SPOCK1: variants seen among roughly 807,000 people sequenced by gnomAD.
SPOCK1 encodes the protein testican-1.
In SPOCK1, 23 loss-of-function variants were observed where a neutral mutation model predicts 55.3. The ratio of observed to expected loss-of-function variants is 0.42; its 90% confidence interval spans 0.30 to 0.59. The LOEUF (loss-of-function observed/expected upper bound fraction) is 0.59, where lower values mean the gene tolerates loss of function less well. SPOCK1 is among the 20% of genes least tolerant of loss of function. SPOCK1 has a pLI of 0.22. For missense variants in SPOCK1, 499 were observed against 552.5 expected (o/e 0.90, Z 0.97); for synonymous variants, 226 against 221.0 (o/e 1.02, Z -0.20).
Position 136,977,629 on chromosome 5 carries a change from T to C in SPOCK1, c.*1025A>G, listed in dbSNP as rs934251545. ...AGGAAGAAACCTATGGCAGACAGGATTGCTGCAGCCAAGGGGCTTCAAGCA... is the reference window on the plus strand; with the variant it reads ...AGGAAGAAACCTATGGCAGACAGGACTGCTGCAGCCAAGGGGCTTCAAGCA... On this transcript the variant is annotated 3_prime_UTR_variant, in exon 11 of 11. Coordinates refer to ENST00000394945, the MANE Select transcript of SPOCK1 (RefSeq NM_004598.4). 5.3e-4 allele frequency: 170 copies of C among 318,996 alleles called. No homozygotes were observed. The highest frequency in any genetic ancestry group is 1.4e-4 in the Non-Finnish European group (25 of 184,772). 19.8% of individuals were successfully genotyped at this position (318,996 alleles called of 1,614,324 possible).
intron 2 of SPOCK1, among the ~76,000 whole-genome samples, chr5:137,485,267 A>G (rs1262362206): frequency 6.6e-6 from 1 of 152,208 alleles, no homozygotes; most frequent in Non-Finnish European, 1.5e-5. Flanking sequence ...CTTAAAACCA[A>G]CCATTGTATC....
At chr5:137,275,292 C>G (rs1433568814) in intron 2 of SPOCK1, among the ~76,000 whole-genome samples, 3 of 152,214 alleles carry the variant, frequency 2.0e-5, no homozygotes, top group Non-Finnish European at 4.4e-5. Flanking sequence ...TGCTCCCTTC[C>G]CCCACCATAG....
At chr5:137,437,184 C>T (rs148002369) in intron 2 of SPOCK1, among the ~76,000 whole-genome samples, 136 of 152,314 alleles carry the variant, frequency 8.9e-4, no homozygotes, top group African/African-American at 3.2e-3. Context: ...ACTCCTCATC[C>T]TCCATCTCAT....
chr5:137,399,532 C>A (rs76538678), intron 2 of SPOCK1, among the ~76,000 whole-genome samples: 1 of 149,834 alleles, frequency 6.7e-6, no homozygotes, highest in African/African-American at 2.5e-5. Context: ...AAAAAAAAAA[C>A]AACCTGTGAC....
chr5:137,481,736 G>A (rs2950954), intron 2 of SPOCK1, among the ~76,000 whole-genome samples: 1 of 151,968 alleles, frequency 6.6e-6, no homozygotes, highest in African/African-American at 2.4e-5. Flanking sequence ...CTGCAGGTCT[G>A]TGTGAGCACC....
At chr5:137,326,387 C>G (rs1305800564) in intron 2 of SPOCK1, among the ~76,000 whole-genome samples, 1 of 152,176 alleles carries the variant, frequency 6.6e-6, no homozygotes, top group East Asian at 1.9e-4. Context: ...CCTTCAGAAC[C>G]TGAGCTCTTT....
chr5:137,131,989 A>AATATATATATATATATATAT (rs869252723), intron 4 of SPOCK1, among the ~76,000 whole-genome samples: 2 of 36,056 alleles, frequency 5.5e-5, no homozygotes, highest in African/African-American at 3.7e-4. Context: ...AAAAAAAAAA[A>AATATATATATATATATATAT]ATATATATAT....
chr5:137,312,772 C>A (rs1298803011), intron 2 of SPOCK1, among the ~76,000 whole-genome samples: 1 of 152,174 alleles, frequency 6.6e-6, no homozygotes, highest in Non-Finnish European at 1.5e-5. Flanking sequence ...AAAAGAGATG[C>A]TCTCTCTGCC....
chr5:137,419,870 G>A (rs1028775809), intron 2 of SPOCK1, among the ~76,000 whole-genome samples: 2 of 152,144 alleles, frequency 1.3e-5, no homozygotes, highest in African/African-American at 4.8e-5. Context: ...GGGCATCCCT[G>A]TCTTGTGCCA....
intron 3 of SPOCK1, among the ~76,000 whole-genome samples, chr5:137,146,576 C>A (rs1217716479): frequency 2.0e-5 from 3 of 152,190 alleles, no homozygotes; most frequent in Admixed American, 6.5e-5. Flanking sequence ...ACTGTGAAAA[C>A]CTCGTCAAGC....
chr5:137,094,288 A>G (rs909070920), intron 5 of SPOCK1, among the ~76,000 whole-genome samples: 1 of 152,170 alleles, frequency 6.6e-6, no homozygotes, highest in African/African-American at 2.4e-5. Flanking sequence ...CAAGTAGGCC[A>G]CTCAAAAGCT....
chr5:137,314,761 G>A lies in SPOCK1; in HGVS notation c.187-47706C>T, dbSNP rs1489931286. 3.9e-5 allele frequency among the ~76,000 whole-genome samples: 6 copies of A among 152,214 alleles called. No homozygotes were observed. The East Asian group carries it at 5.8e-4, about 15-fold the overall frequency. On this transcript the variant is annotated intron_variant, in intron 2 of 10. Transcript: ENST00000394945. The stretch of plus-strand genomic sequence containing the variant: ...AAAGGTTTTAGAGTGCATGGACCAC[G>A]TTTTCCATGTTCTCTTTACTCCTCC...
At chr5:137,025,972 T>A (rs1561583797) in intron 6 of SPOCK1, among the ~76,000 whole-genome samples, 1 of 152,166 alleles carries the variant, frequency 6.6e-6, no homozygotes, top group South Asian at 2.1e-4. Flanking sequence ...AAAATTGGGC[T>A]TAAGGACTCA....
chr5:137,003,389 ACT>A (rs1751184329), intron 6 of SPOCK1, among the ~76,000 whole-genome samples: 1 of 152,046 alleles, frequency 6.6e-6, no homozygotes, highest in South Asian at 2.1e-4. Context: ...ACAGAATGAG[ACT>A]CTGTCTCATA....
chr5:137,193,695 T>C (rs1477621952), intron 3 of SPOCK1, among the ~76,000 whole-genome samples: 4 of 152,202 alleles, frequency 2.6e-5, no homozygotes, highest in African/African-American at 7.2e-5. Context: ...CCTTGCTTCA[T>C]TCTGCCCTCA....
chr5:137,408,861 A>G (rs1752154423), intron 2 of SPOCK1, among the ~76,000 whole-genome samples: 1 of 152,146 alleles, frequency 6.6e-6, no homozygotes, highest in South Asian at 2.1e-4. Flanking sequence ...CATGCTTCTT[A>G]GCCTCTGGGA....
At chr5:137,295,559 A>G (rs895960975) in intron 2 of SPOCK1, among the ~76,000 whole-genome samples, 1 of 152,222 alleles carries the variant, frequency 6.6e-6, no homozygotes, top group Non-Finnish European at 1.5e-5. Flanking sequence ...TTACAATTGC[A>G]ATGAAGGCTG....
chr5:137,295,653 G>A (rs1757464894), intron 2 of SPOCK1, among the ~76,000 whole-genome samples: 1 of 151,862 alleles, frequency 6.6e-6, no homozygotes, highest in Non-Finnish European at 1.5e-5. Flanking sequence ...TGTTTATAAT[G>A]CTGGCATCAG....
chr5:137,132,197 T>A (rs1272581752), intron 4 of SPOCK1, among the ~76,000 whole-genome samples: 12 of 100,138 alleles, frequency 1.2e-4, no homozygotes, highest in South Asian at 3.0e-4. Context: ...AAAAAAAAAA[T>A]CTCCAGAACT....
Sources: gnomAD v4.1 joint callset for allele counts (sites outside exome capture counted in the v4.1 genomes callset) on GRCh38, gnomAD v4.1.1 for gene constraint, MANE v1.5 for transcripts, NCBI Gene and HGNC (gene_info 2026-07-23, HGNC 2026-07-21) for gene names.